ROBO2: variants seen among roughly 807,000 people sequenced by gnomAD.
The protein encoded by ROBO2 is roundabout homolog 2.
A neutral mutation model predicts 160.8 loss-of-function variants in ROBO2; 53 were observed. The ratio of observed to expected loss-of-function variants is 0.33; its 90% CI spans 0.26 to 0.41. The LOEUF is 0.41. ROBO2 is among the 10% of genes least tolerant of loss of function. ROBO2 has a pLI of 1.00. For synonymous variants in ROBO2, 664 were observed against 611.7 expected (o/e 1.09, Z -1.26); for missense variants, 1,577 against 1,722.4 (o/e 0.92, Z 1.49).
rs909807546 is a variant in ROBO2 at position 77,485,170 on chromosome 3, C to A, written c.667+3951C>A. Among the ~76,000 whole-genome samples the A allele has an allele frequency of 2.6e-5, 4 of 152,108 alleles. No homozygotes were observed. In the East Asian group the frequency reaches 7.8e-4, roughly 30 times the overall value. On this transcript the variant is annotated intron_variant, in intron 4 of 25. Transcript: ENST00000461745. ...TATGTTTGTTTCTTTCTTGGTTAAC[C>A]CCTCTTTTCAGAAGGGGTTCTCAAC...
chr3:76,514,050 G>T (rs796204564), intron 2 of ROBO2, among the ~76,000 whole-genome samples: 6 of 152,148 alleles, frequency 3.9e-5, no homozygotes, highest in African/African-American at 1.4e-4. Context: ...ATTGCGTATT[G>T]TCAGTATGTC....
At chr3:76,796,659 CTGAA>C (rs1000061728) in intron 2 of ROBO2, among the ~76,000 whole-genome samples, 1 of 151,996 alleles carries the variant, frequency 6.6e-6, no homozygotes, top group Non-Finnish European at 1.5e-5. Flanking sequence ...CATACAGTGT[CTGAA>C]TGGTTAAAAA....
intron 2 of ROBO2, among the ~76,000 whole-genome samples, chr3:75,978,867 CG>C (rs1408518365): frequency 6.6e-6 from 1 of 151,440 alleles, no homozygotes; most frequent in African/African-American, 2.4e-5. Flanking sequence ...TGGAATGGAG[CG>C]AAGTACATGT....
At chr3:76,728,822 G>A (rs942920369) in intron 2 of ROBO2, among the ~76,000 whole-genome samples, 18 of 152,268 alleles carry the variant, frequency 1.2e-4, no homozygotes, top group African/African-American at 4.3e-4. Context: ...GTGCCAGAGG[G>A]CATCTTGATA....
At chr3:75,916,796 G>A (rs1049502142) in intron 1 of ROBO2, among the ~76,000 whole-genome samples, 48 of 135,620 alleles carry the variant, frequency 3.5e-4, no homozygotes, top group African/African-American at 1.3e-3. Context: ...AATTGATTTT[G>A]ATTTAAATTC....
chr3:76,937,672 A>C (rs2077801321), intron 2 of ROBO2, among the ~76,000 whole-genome samples: 1 of 152,142 alleles, frequency 6.6e-6, no homozygotes, highest in Non-Finnish European at 1.5e-5. Flanking sequence ...ATTTGCACCA[A>C]TTTACATCAA....
At chr3:76,340,078 C>T (rs1344677848) in intron 2 of ROBO2, among the ~76,000 whole-genome samples, 2 of 70,440 alleles carry the variant, frequency 2.8e-5, no homozygotes, top group Admixed American at 1.9e-4. Flanking sequence ...CAAAAATGAA[C>T]CAATTGCAAA....
At chr3:76,659,039 G>C (rs2091704293) in intron 2 of ROBO2, among the ~76,000 whole-genome samples, 1 of 151,990 alleles carries the variant, frequency 6.6e-6, no homozygotes, top group South Asian at 2.1e-4. Flanking sequence ...TAAAAACTTA[G>C]ATTGAGGAGC....
intron 2 of ROBO2, among the ~76,000 whole-genome samples, chr3:75,970,449 T>A (rs930760421): frequency 1.3e-5 from 2 of 151,508 alleles, no homozygotes; most frequent in African/African-American, 4.8e-5. Flanking sequence ...TCTTACATTT[T>A]CAGTGATGAA....
In ROBO2 at chr3:76,561,779, G is replaced by T. The variant is rs564001702; in HGVS notation, c.110-536235G>T. ...GTTATTTTTATTACTCTTTGATGCGGTCCTTTTTATCCAAGAAAGGCACTT... is the reference window on the plus strand; with the variant it reads ...GTTATTTTTATTACTCTTTGATGCGTTCCTTTTTATCCAAGAAAGGCACTT... On this transcript the variant is annotated intron_variant, in intron 2 of 26. Coordinates refer to the ROBO2 transcript ENST00000487694. 2.0e-5 allele frequency among the ~76,000 whole-genome samples: 3 copies of T among 152,200 alleles called. No homozygotes were observed. The East Asian group carries it at 5.8e-4, about 29-fold the overall frequency.
chr3:76,803,647 TACTC>T (rs1489979961), intron 2 of ROBO2, among the ~76,000 whole-genome samples: 4 of 152,188 alleles, frequency 2.6e-5, no homozygotes, highest in Admixed American at 1.3e-4. Context: ...TATTCAGGAT[TACTC>T]ACTTGTTAAT....
intron 2 of ROBO2, among the ~76,000 whole-genome samples, chr3:76,972,983 A>C (rs2059642655): frequency 6.6e-6 from 1 of 152,204 alleles, no homozygotes; most frequent in South Asian, 2.1e-4. Context: ...TCCTTTTCTG[A>C]AGATTTTGTA....
chr3:77,295,178 A>T (rs1453789829), intron 2 of ROBO2, among the ~76,000 whole-genome samples: 8 of 150,310 alleles, frequency 5.3e-5, no homozygotes, highest in Non-Finnish European at 1.0e-4. Context: ...CTGAGGCTAG[A>T]TCACTAAAGA....
At chr3:76,570,630 C>CT (rs941382329) in intron 2 of ROBO2, among the ~76,000 whole-genome samples, 8 of 152,046 alleles carry the variant, frequency 5.3e-5, no homozygotes, top group Non-Finnish European at 1.2e-4. Context: ...ATTTGCTAAG[C>CT]TTTTTTTAGA....
intron 2 of ROBO2, among the ~76,000 whole-genome samples, chr3:76,688,066 A>G (rs999507813): frequency 6.6e-6 from 1 of 152,108 alleles, no homozygotes; most frequent in South Asian, 2.1e-4. Flanking sequence ...TAAAGAAATT[A>G]TAGGAGAATC....
chr3:76,239,317 CTT>C (rs1705148864), intron 2 of ROBO2, among the ~76,000 whole-genome samples: 1 of 151,396 alleles, frequency 6.6e-6, no homozygotes, highest in African/African-American at 2.4e-5. Context: ...TCTGGCATGA[CTT>C]TATATAATAT....
chr3:77,477,705 A>G lies in ROBO2; in HGVS notation c.546+134A>G, dbSNP rs1037153552. On this transcript the variant is annotated intron_variant, in intron 3 of 25. Transcript: ENST00000461745. ...TAATTACAATTTATACTGCCTTGAA[A>G]AGATTTAAAAACATTTGGATGAGAC... 3 of 957,654 alleles carry G rather than the reference A, an allele frequency of 3.1e-6. 1 individual carries two copies. In the Admixed American group the frequency reaches 7.0e-5, roughly 22 times the overall value. 59.3% of individuals were successfully genotyped at this position (957,654 alleles called of 1,614,324 possible). A position where few individuals can be genotyped will look rare whatever the true frequency, so the allele number is the denominator to read the frequency against.
chr3:76,500,056 A>G (rs1190535241), intron 2 of ROBO2, among the ~76,000 whole-genome samples: 4 of 152,032 alleles, frequency 2.6e-5, no homozygotes, highest in Non-Finnish European at 5.9e-5. Flanking sequence ...ACACCCAAAC[A>G]CCGGTGGAGG....
chr3:76,318,625 G>A (rs567385508), intron 2 of ROBO2, among the ~76,000 whole-genome samples: 28 of 152,196 alleles, frequency 1.8e-4, no homozygotes, highest in African/African-American at 6.7e-4. Context: ...AGTTAAGATT[G>A]TGTCAGCGCT....
Sources: allele counts gnomAD v4.1 joint callset (sites outside exome capture counted in the v4.1 genomes callset), GRCh38; gene constraint gnomAD v4.1.1; transcripts MANE v1.5; gene names NCBI Gene and HGNC (gene_info 2026-07-23, HGNC 2026-07-21).